GALNTL6: variants seen among roughly 807,000 people sequenced by gnomAD.
GALNTL6 encodes polypeptide N-acetylgalactosaminyltransferase like 6.
Under a neutral mutation model 73.7 loss-of-function variants are expected in GALNTL6, and 46 were observed. The ratio of observed to expected loss-of-function variants is 0.62; its 90% CI spans 0.49 to 0.80. The LOEUF (loss-of-function observed/expected upper bound fraction) is 0.80, where lower values mean the gene tolerates loss of function less well. Ranked by LOEUF, GALNTL6 falls within the 30% of genes least tolerant of loss-of-function variation. GALNTL6 has a pLI of 0.00. For synonymous variants in GALNTL6, 259 were observed against 263.7 expected (o/e 0.98, Z 0.17); for missense variants, 604 against 755.0 (o/e 0.80, Z 2.34).
At chr4:172,653,501 G>A (rs549918248) in intron 5 of GALNTL6, among the ~76,000 whole-genome samples, 2 of 152,178 alleles carry the variant, frequency 1.3e-5, no homozygotes, top group South Asian at 2.1e-4. Flanking sequence ...GATTACAGGC[G>A]TGAGCCACTG....
At chr4:172,631,630 G>A (rs771271306) in intron 5 of GALNTL6, among the ~76,000 whole-genome samples, 9 of 152,280 alleles carry the variant, frequency 5.9e-5, no homozygotes, top group African/African-American at 2.2e-4. Context: ...AATCATCAAA[G>A]TAAAATTTCA....
intron 5 of GALNTL6, among the ~76,000 whole-genome samples, chr4:172,358,979 C>T (rs28366855): frequency 0.21 from 31,985 of 151,482 alleles, 3,684 homozygotes; most frequent in East Asian, 0.36. Context: ...GTGGCAATTT[C>T]CCAAAGACTT....
chr4:172,893,109 T>C (rs1746128072), intron 8 of GALNTL6, among the ~76,000 whole-genome samples: 2 of 152,186 alleles, frequency 1.3e-5, no homozygotes, highest in African/African-American at 2.4e-5. Flanking sequence ...CCAGTAAGTC[T>C]TTCTGCAGCG....
At chr4:172,765,387 T>G (rs1738349920) in intron 5 of GALNTL6, among the ~76,000 whole-genome samples, 1 of 152,202 alleles carries the variant, frequency 6.6e-6, no homozygotes, top group African/African-American at 2.4e-5. Flanking sequence ...AATTACTATA[T>G]GAATCCCAAA....
chr4:172,371,442 AC>A (rs767322412), intron 5 of GALNTL6, among the ~76,000 whole-genome samples: 31 of 152,358 alleles, frequency 2.0e-4, no homozygotes, highest in African/African-American at 7.5e-4. Context: ...CATGGAGAAG[AC>A]CGTCAATTAT....
intron 10 of GALNTL6, among the ~76,000 whole-genome samples, chr4:172,960,910 G>A (rs1750014172): frequency 6.6e-6 from 1 of 151,930 alleles, no homozygotes; most frequent in African/African-American, 2.4e-5. Flanking sequence ...GGCAAGCCCA[G>A]AGAAAAGAGA....
At chr4:172,144,158 A>T (rs1733869118) in intron 2 of GALNTL6, among the ~76,000 whole-genome samples, 1 of 152,128 alleles carries the variant, frequency 6.6e-6, no homozygotes, top group Non-Finnish European at 1.5e-5. Flanking sequence ...GAGCTCCACT[A>T]CTCTCACAGT....
At chr4:171,990,271 G>A (rs1740296410) in intron 2 of GALNTL6, among the ~76,000 whole-genome samples, 1 of 152,006 alleles carries the variant, frequency 6.6e-6, no homozygotes, top group Non-Finnish European at 1.5e-5. Flanking sequence ...CATGTATTGG[G>A]CAGCCTTCTA....
intron 7 of GALNTL6, among the ~76,000 whole-genome samples, chr4:172,844,007 T>C (rs1046230881): frequency 1.3e-5 from 2 of 152,072 alleles, no homozygotes; most frequent in African/African-American, 4.8e-5. Context: ...TGCAGTGAGC[T>C]GAGATCATGT....
intron 5 of GALNTL6, among the ~76,000 whole-genome samples, chr4:172,531,083 G>A (rs1217859917): frequency 2.0e-5 from 3 of 152,166 alleles, no homozygotes; most frequent in African/African-American, 7.2e-5. Flanking sequence ...CACTAATAGA[G>A]TTAAAATACT....
chr4:171,826,874 G>C lies in GALNTL6; in HGVS notation c.138+12156G>C, dbSNP rs373155269. Among the ~76,000 whole-genome samples, 39 of 152,116 alleles carry C rather than the reference G, an allele frequency of 2.6e-4. No homozygotes were observed. The South Asian group carries it at 4.4e-3, about 17-fold the overall frequency. The stretch of plus-strand genomic sequence containing the variant: ...TGCACACCCCTATTTTAATTCTTCT[G>C]TCTTCACTGCCATTCCCAACCAACA... On this transcript the variant is annotated intron_variant, in intron 2 of 12. Transcript: ENST00000506823.
At chr4:172,175,560 G>A (rs1734962974) in intron 2 of GALNTL6, among the ~76,000 whole-genome samples, 1 of 152,188 alleles carries the variant, frequency 6.6e-6, no homozygotes, top group Non-Finnish European at 1.5e-5. Context: ...AAGTATCCTA[G>A]TTTGGCTGAA....
chr4:172,748,335 C>A (rs2110769159), intron 5 of GALNTL6, among the ~76,000 whole-genome samples: 1 of 152,134 alleles, frequency 6.6e-6, no homozygotes, highest in Admixed American at 6.5e-5. Flanking sequence ...ACAATTTAGA[C>A]CCACCAATTA....
chr4:172,216,166 A>G (rs1579265296), intron 2 of GALNTL6, among the ~76,000 whole-genome samples: 1 of 152,132 alleles, frequency 6.6e-6, no homozygotes, highest in Non-Finnish European at 1.5e-5. Flanking sequence ...TTTGAAATAT[A>G]CTATATCATT....
intron 3 of GALNTL6, among the ~76,000 whole-genome samples, chr4:172,303,330 T>C (rs2111126705): frequency 6.6e-6 from 1 of 152,262 alleles, no homozygotes; most frequent in East Asian, 1.9e-4. Flanking sequence ...GATTATTAAC[T>C]TACTACACTT....
intron 10 of GALNTL6, among the ~76,000 whole-genome samples, chr4:172,995,124 T>A (rs1751719139): frequency 6.6e-6 from 1 of 152,158 alleles, no homozygotes; most frequent in Non-Finnish European, 1.5e-5. Flanking sequence ...AGAGCAAATC[T>A]TAGATTTATT....
At chr4:171,976,067 G>C (rs756685340) in intron 2 of GALNTL6, among the ~76,000 whole-genome samples, 21 of 151,896 alleles carry the variant, frequency 1.4e-4, no homozygotes, top group Non-Finnish European at 2.5e-4. Flanking sequence ...GGATTACAGG[G>C]GTGCGCCACC....
Position 172,906,615 on chromosome 4 carries a change from C to A in GALNTL6, c.1041+23708C>A, listed in dbSNP as rs536572474. The stretch of plus-strand genomic sequence containing the variant: ...AACTGGAGAAACCTCTCCTTCCAAG[C>A]TGGCTCTGGTTGTTGGCAGAATCCA... On this transcript the variant is annotated intron_variant, in intron 8 of 12. Coordinates refer to ENST00000506823, the MANE Select transcript of GALNTL6 (RefSeq NM_001034845.3). Among the ~76,000 whole-genome samples, 6 of 152,332 alleles carry A rather than the reference C, an allele frequency of 3.9e-5. No individual in the cohort carries two copies. The South Asian group carries it at 1.2e-3, about 32-fold the overall frequency.
intron 2 of GALNTL6, among the ~76,000 whole-genome samples, chr4:171,890,141 A>G (rs1286535303): frequency 6.6e-6 from 1 of 152,144 alleles, no homozygotes; most frequent in Non-Finnish European, 1.5e-5. Context: ...CTCCATTTCC[A>G]TGTCTATACC....
Sources: allele counts gnomAD v4.1 joint callset (sites outside exome capture counted in the v4.1 genomes callset), GRCh38; gene constraint gnomAD v4.1.1; transcripts MANE v1.5; gene names NCBI Gene and HGNC (gene_info 2026-07-23, HGNC 2026-07-21).